The following KLHL8 variants were observed in gnomAD, a reference collection of about 807,000 sequenced individuals.
KLHL8 encodes the protein kelch-like protein 8.
A neutral mutation model predicts 63.5 loss-of-function variants in KLHL8; 38 were observed. The ratio of observed to expected loss-of-function variants is 0.60; its 90% CI spans 0.46 to 0.78. The LOEUF (loss-of-function observed/expected upper bound fraction) is 0.78, where lower values mean the gene tolerates loss of function less well. Among genes scored for constraint, KLHL8 ranks in the 30% least tolerant of loss-of-function variants. The pLI, the probability that KLHL8 is intolerant of heterozygous loss-of-function variation, is 0.00. For synonymous variants in KLHL8, 224 were observed against 254.3 expected (o/e 0.88, Z 1.13); for missense variants, 566 against 752.4 (o/e 0.75, Z 2.90).
chr4:87,180,444 C>A (rs1235126455), intron 4 of KLHL8, among the ~76,000 whole-genome samples: 1 of 152,212 alleles, frequency 6.6e-6, no homozygotes. Context: ...TTTTCTGACT[C>A]TTCCAAGATA....
chr4:87,180,969 C>A (rs2109984238), intron 4 of KLHL8, among the ~76,000 whole-genome samples: 1 of 152,050 alleles, frequency 6.6e-6, no homozygotes, highest in Non-Finnish European at 1.5e-5. Context: ...CCATGAGGTT[C>A]AAGGCACAGT....
chr4:87,235,754 A>T (rs796366202), intron 1 of KLHL8, among the ~76,000 whole-genome samples: 4 of 152,304 alleles, frequency 2.6e-5, no homozygotes, highest in African/African-American at 9.6e-5. Flanking sequence ...TAAAATGCAG[A>T]ATATCTCTCA....
intron 6 of KLHL8, among the ~76,000 whole-genome samples, chr4:87,174,814 T>A (rs538882934): frequency 5.9e-5 from 9 of 152,214 alleles, no homozygotes; most frequent in Non-Finnish European, 1.2e-4. Context: ...GTGCAAAATA[T>A]ATGTGATCTT....
At chr4:87,177,976 GT>G in intron 5 of KLHL8, among the ~76,000 whole-genome samples, 1 of 152,158 alleles carries the variant, frequency 6.6e-6, no homozygotes, top group South Asian at 2.1e-4. Context: ...ACTTCTGGGT[GT>G]TTGTGTTGCA....
intron 1 of KLHL8, among the ~76,000 whole-genome samples, chr4:87,226,683 ATAATATATATATTATT>A (rs1289219636): frequency 4.1e-4 from 4 of 9,702 alleles, no homozygotes; most frequent in African/African-American, 1.0e-3. Flanking sequence ...TTATTTATAT[ATAATATATATATTATT>A]TATATATAAT....
At chr4:87,213,072 T>C (rs1233690110) in intron 1 of KLHL8, among the ~76,000 whole-genome samples, 1 of 152,264 alleles carries the variant, frequency 6.6e-6, no homozygotes, top group African/African-American at 2.4e-5. Context: ...CTGAATACTT[T>C]GTAAGATGTT....
At position 87,238,236 on chromosome 4, in the gene KLHL8, C is replaced by T. The variant is rs139455288; in HGVS notation, n.57+2022G>A. ...GGCGTGAACGTCCACGCTCAGCCTA[C>T]ATCTTATATTCCATGCATTTCTTAT... is the stretch of plus-strand genomic sequence containing the variant. On this transcript the variant is annotated intron_variant and non_coding_transcript_variant, in intron 1 of 1. Coordinates refer to the KLHL8 transcript ENST00000506274. 2.4e-3 allele frequency among the ~76,000 whole-genome samples: 369 copies of T among 152,274 alleles called. 2 individuals carry two copies. The highest frequency in any genetic ancestry group is 0.014 in the Middle Eastern group (4 of 294).
intron 4 of KLHL8, among the ~76,000 whole-genome samples, chr4:87,182,313 C>T (rs1452114767): frequency 6.6e-6 from 1 of 150,536 alleles, no homozygotes; most frequent in Non-Finnish European, 1.5e-5. Flanking sequence ...AACTAATTAT[C>T]TAGAAGAACT....
chr4:87,210,697 C>A (rs150730643), intron 1 of KLHL8, among the ~76,000 whole-genome samples: 1 of 152,078 alleles, frequency 6.6e-6, no homozygotes, highest in African/African-American at 2.4e-5. Context: ...TAGAGCAAAA[C>A]CTGAATGTGT....
chr4:87,201,416 AACAG>A (rs1294369297), intron 1 of KLHL8, among the ~76,000 whole-genome samples: 1 of 152,358 alleles, frequency 6.6e-6, no homozygotes, highest in Admixed American at 6.5e-5. Flanking sequence ...TAAAGGGAGA[AACAG>A]ACAAATTCAC....
chr4:87,215,619 C>T (rs1368664983), intron 1 of KLHL8, among the ~76,000 whole-genome samples: 4 of 152,188 alleles, frequency 2.6e-5, no homozygotes, highest in Non-Finnish European at 4.4e-5. Flanking sequence ...TGATCCAGAA[C>T]AGAACTTGGT....
intron 5 of KLHL8, among the ~76,000 whole-genome samples, chr4:87,177,543 A>C (rs1234607929): frequency 1.3e-5 from 2 of 151,582 alleles, no homozygotes; most frequent in Admixed American, 1.3e-4. Flanking sequence ...AAAACTATAT[A>C]TATATATATA....
intron 5 of KLHL8, 43 bp downstream of exon 5, chr4:87,178,434 G>C (rs1049594974): frequency 3.3e-6 from 5 of 1,524,732 alleles, no homozygotes; most frequent in Middle Eastern, 1.7e-4. Flanking sequence ...ATTTTAAAAA[G>C]AGCATTGTGA....
At chr4:87,224,849 C>T (rs1732944303), upstream of KLHL8, among the ~76,000 whole-genome samples, 1 of 152,136 alleles carries the variant, frequency 6.6e-6, no homozygotes. Context: ...ATAGGTATCT[C>T]TAAACCTTTG....
intron 8 of KLHL8, among the ~76,000 whole-genome samples, chr4:87,164,875 G>C (rs146196107): frequency 1.3e-5 from 2 of 152,030 alleles, no homozygotes; most frequent in Non-Finnish European, 1.5e-5. Flanking sequence ...GAGGCCGGGC[G>C]CGGTGGCTCA....
rs928315621 is a variant in KLHL8 at position 87,235,924 on chromosome 4, A to C, written n.57+4334T>G. 6.6e-5 allele frequency among the ~76,000 whole-genome samples: 10 copies of C among 152,212 alleles called. No individual in the cohort carries two copies. The South Asian group carries it at 2.1e-3, about 32-fold the overall frequency. On this transcript the variant is annotated intron_variant and non_coding_transcript_variant, in intron 1 of 1. Transcript: ENST00000506274. ...GGAGGAGGGTGCGGGGGAAGGGGGA[A>C]TCGAAGGCGCCATTGGAAACGTTGT...
At chr4:87,210,220 G>A (rs7680813) in intron 1 of KLHL8, among the ~76,000 whole-genome samples, 22,554 of 151,748 alleles carry the variant, frequency 0.15, 3,519 homozygotes, top group African/African-American at 0.39. Context: ...AGTGGCTCAC[G>A]CCTGTAATCC....
At chr4:87,193,145 A>T (rs1731558792) in intron 2 of KLHL8, among the ~76,000 whole-genome samples, 2 of 152,216 alleles carry the variant, frequency 1.3e-5, no homozygotes, top group Admixed American at 1.3e-4. Flanking sequence ...TCAATTTTTT[A>T]AAACTTTTTG....
chr4:87,181,997 G>T (rs1731069768), intron 4 of KLHL8, among the ~76,000 whole-genome samples: 1 of 152,062 alleles, frequency 6.6e-6, no homozygotes, highest in Non-Finnish European at 1.5e-5. Flanking sequence ...GGGAGGCCAA[G>T]GCAGGCAGAT....
Sources: gnomAD v4.1 joint callset for allele counts (sites outside exome capture counted in the v4.1 genomes callset) on GRCh38, gnomAD v4.1.1 for gene constraint, MANE v1.5 for transcripts, NCBI Gene and HGNC (gene_info 2026-07-23, HGNC 2026-07-21) for gene names.